Variants in MAGI1 observed in about 807,000 individuals in gnomAD.
The protein encoded by MAGI1 is membrane-associated guanylate kinase, WW and PDZ domain-containing protein 1.
MAGI1 carries 58 observed loss-of-function variants against 139.9 expected under a neutral mutation model. That is an observed-to-expected ratio of 0.41 (90% CI 0.34 to 0.52). MAGI1 has a LOEUF of 0.52. Ranked by LOEUF, MAGI1 falls within the 20% of genes least tolerant of loss-of-function variation. The probability of loss-of-function intolerance (pLI) is 0.12; values close to 1 mark genes in which losing one functional copy is unlikely to be tolerated. For missense variants in MAGI1, 1,874 were observed against 1,901.6 expected, an observed-to-expected ratio of 0.99 and a Z score of 0.27; for synonymous variants, 812 against 737.9, an observed-to-expected ratio of 1.10 and a Z score of -1.63.
intron 1 of MAGI1, among the ~76,000 whole-genome samples, chr3:65,943,461 G>C (rs2063406316): frequency 6.6e-6 from 1 of 151,798 alleles, no homozygotes; most frequent in South Asian, 2.1e-4. Context: ...TGTAATCCCG[G>C]CTAGTCGGGA....
intron 2 of MAGI1, among the ~76,000 whole-genome samples, chr3:65,574,031 C>A (rs1388653692): frequency 2.0e-5 from 3 of 151,796 alleles, no homozygotes; most frequent in Non-Finnish European, 2.9e-5. Context: ...GACCCCTGAT[C>A]TATGTAGAAA....
At chr3:65,677,491 G>A (rs1057040172) in intron 1 of MAGI1, among the ~76,000 whole-genome samples, 4 of 152,302 alleles carry the variant, frequency 2.6e-5, no homozygotes, top group East Asian at 1.9e-4. Context: ...TCATGTAACT[G>A]ACAGATGCAA....
At chr3:65,548,586 G>A (rs1028110849) in intron 2 of MAGI1, among the ~76,000 whole-genome samples, 3 of 137,550 alleles carry the variant, frequency 2.2e-5, no homozygotes, top group East Asian at 2.2e-4. Flanking sequence ...GCAGTGGCGC[G>A]ATCTCAGCTC....
intron 1 of MAGI1, among the ~76,000 whole-genome samples, chr3:65,987,596 T>C (rs1490230509): frequency 6.6e-6 from 1 of 152,134 alleles, no homozygotes; most frequent in African/African-American, 2.4e-5. Flanking sequence ...TGCCTGCTTT[T>C]CTTTCCTTTC....
At chr3:65,596,913 A>G (rs2082232255) in intron 2 of MAGI1, among the ~76,000 whole-genome samples, 1 of 152,192 alleles carries the variant, frequency 6.6e-6, no homozygotes. Context: ...GCAAACTTAA[A>G]AAGCCTTCCG....
chr3:65,772,026 C>A (rs948914467), intron 1 of MAGI1, among the ~76,000 whole-genome samples: 4 of 152,092 alleles, frequency 2.6e-5, no homozygotes, highest in African/African-American at 7.2e-5. Context: ...GATGGTGAAA[C>A]CCTGTCTCTA....
intron 1 of MAGI1, among the ~76,000 whole-genome samples, chr3:65,837,855 A>G (rs2058678438): frequency 6.6e-6 from 1 of 152,194 alleles, no homozygotes. Flanking sequence ...GGTCTAATAC[A>G]GGGTTTCTCA....
At chr3:65,561,573 A>G (rs2080349108) in intron 2 of MAGI1, among the ~76,000 whole-genome samples, 1 of 152,198 alleles carries the variant, frequency 6.6e-6, no homozygotes, top group Non-Finnish European at 1.5e-5. Context: ...TTAAGTATGA[A>G]GTTCTGGTTT....
At chr3:65,957,915 T>C (rs975729868) in intron 1 of MAGI1, among the ~76,000 whole-genome samples, 4 of 151,932 alleles carry the variant, frequency 2.6e-5, no homozygotes, top group Non-Finnish European at 5.9e-5. Context: ...ATTACATGCA[T>C]GCAGCACCAC....
chr3:65,704,114 C>T (rs572230507), intron 1 of MAGI1, among the ~76,000 whole-genome samples: 1 of 152,092 alleles, frequency 6.6e-6, no homozygotes, highest in African/African-American at 2.4e-5. Context: ...TCCACTATTC[C>T]CTTTTACTAA....
chr3:65,456,419 A>G (rs1173776606), intron 5 of MAGI1, among the ~76,000 whole-genome samples: 3 of 149,880 alleles, frequency 2.0e-5, no homozygotes, highest in South Asian at 2.1e-4. Context: ...AGTCCTTTGT[A>G]TATTCTACAT....
At chr3:65,841,576 C>T (rs1241613415) in intron 1 of MAGI1, among the ~76,000 whole-genome samples, 3 of 151,628 alleles carry the variant, frequency 2.0e-5, no homozygotes, top group African/African-American at 4.9e-5. Flanking sequence ...TACAGGTGAC[C>T]GCCACCACAC....
intron 1 of MAGI1, among the ~76,000 whole-genome samples, chr3:65,961,742 C>T (rs960138570): frequency 6.6e-6 from 1 of 152,188 alleles, no homozygotes; most frequent in South Asian, 2.1e-4. Context: ...AGAACCACAT[C>T]CATTCGTGTC....
At chr3:65,357,171 A>G in intron 22 of MAGI1, 39 bp from the exon 23 acceptor site, 1 of 1,563,092 alleles carries the variant, frequency 6.4e-7, no homozygotes, top group South Asian at 1.2e-5. Flanking sequence ...TTGGGTACGA[A>G]GGTCCCTCGG....
Position 65,568,208 on chromosome 3 carries a change from G to T in MAGI1, c.430+53764C>A, listed in dbSNP as rs115103163. On this transcript the variant is annotated intron_variant, in intron 2 of 22. Coordinates refer to ENST00000402939, the MANE Select transcript of MAGI1 (RefSeq NM_001033057.2). ...GGAGCAGGCAAGGCACTTGTTGATA[G>T]TGAAGCAGGAATTGTTTCCCCATAT... Among the ~76,000 whole-genome samples, 154 of 152,310 alleles carry T rather than the reference G, an allele frequency of 1.0e-3. 1 individual carries two copies. The Middle Eastern group carries it at 0.014, about 13-fold the overall frequency.
intron 1 of MAGI1, among the ~76,000 whole-genome samples, chr3:65,745,522 G>A (rs1004742378): frequency 6.6e-6 from 1 of 152,194 alleles, no homozygotes; most frequent in Non-Finnish European, 1.5e-5. Context: ...GGTTACAAAT[G>A]AACATAAGAA....
At chr3:65,984,572 C>G (rs1036736912) in intron 1 of MAGI1, among the ~76,000 whole-genome samples, 8 of 150,538 alleles carry the variant, frequency 5.3e-5, no homozygotes, top group African/African-American at 2.0e-4. Context: ...CTCTATCGCC[C>G]AGGCTGGAGT....
chr3:65,659,072 G>A (rs528799197), intron 1 of MAGI1, among the ~76,000 whole-genome samples: 1 of 152,228 alleles, frequency 6.6e-6, no homozygotes, highest in African/African-American at 2.4e-5. Context: ...GAAGAAAAGG[G>A]GAGATTCAGT....
At chr3:65,509,724 G>T (rs1203909789) in intron 2 of MAGI1, among the ~76,000 whole-genome samples, 2 of 152,128 alleles carry the variant, frequency 1.3e-5, no homozygotes, top group Non-Finnish European at 2.9e-5. Context: ...ACGAGGCTGG[G>T]GGAGGGGCGC....
Sources: gnomAD v4.1 joint callset for allele counts (sites outside exome capture counted in the v4.1 genomes callset) on GRCh38, gnomAD v4.1.1 for gene constraint, MANE v1.5 for transcripts, NCBI Gene and HGNC (gene_info 2026-07-23, HGNC 2026-07-21) for gene names.